Variants in SMIM22 observed in about 807,000 individuals in gnomAD.
The protein encoded by SMIM22 is small integral membrane protein 22, also known as cancer associated small integral membrane open reading frame 1.
SMIM22 carries 16 observed loss-of-function variants against 8.4 expected under a neutral mutation model. The observed-to-expected ratio is 1.90, with a 90% CI of 1.29 to 2.89. SMIM22 has a LOEUF of 2.89. Ranked by LOEUF, SMIM22 falls within the 30% of genes most tolerant of loss-of-function variation. The pLI, the probability that SMIM22 is intolerant of heterozygous loss-of-function variation, is 0.00. For missense variants in SMIM22, 159 were observed against 107.5 expected (o/e 1.48, Z -2.12); for synonymous variants, 67 against 47.6 (o/e 1.41, Z -1.68).
Position 4,795,378 on chromosome 16 carries a change from G to A in SMIM22, c.-92G>A. Reference sequence around the variant, plus strand: ...TGGTTGCCAAGGCCTCAGGTGGTGTGGAGCCGGAAGCAGGAAGCAGCCTGT... The same window carrying A: ...TGGTTGCCAAGGCCTCAGGTGGTGTAGAGCCGGAAGCAGGAAGCAGCCTGT... On this transcript the variant is annotated 5_prime_UTR_variant, in exon 1 of 4. Coordinates refer to ENST00000586005, the MANE Select transcript of SMIM22 (RefSeq NM_001253794.2). The A allele has an allele frequency of 3.9e-6, 1 of 256,390 alleles. No individual in the cohort carries two copies. 15.9% of individuals were successfully genotyped at this position (256,390 alleles called of 1,614,324 possible).
intron 2 of SMIM22, among the ~76,000 whole-genome samples, chr16:4,789,215 T>C (rs1018508054): frequency 7.9e-5 from 12 of 152,236 alleles, no homozygotes; most frequent in Admixed American, 7.9e-4. Context: ...TTTCACCACA[T>C]TGGTCAGGCT....
chr16:4,796,138 C>T (rs2082641039), intron 3 of SMIM22, 52 bp from the exon 4 acceptor site: 1 of 1,535,816 alleles, frequency 6.5e-7, no homozygotes, highest in African/African-American at 1.4e-5. Flanking sequence ...GTGCTCATCC[C>T]CCTAGGGAAC....
chr16:4,795,134 CTT>C (rs1212813747), upstream of SMIM22: 1 of 141,570 alleles, frequency 7.1e-6, no homozygotes, highest in East Asian at 2.4e-4. Context: ...ATCTCTCTCT[CTT>C]TCATTCACGA....
At chr16:4,793,762 T>C (rs1040228156), upstream of SMIM22, among the ~76,000 whole-genome samples, 7 of 151,640 alleles carry the variant, frequency 4.6e-5, no homozygotes, top group African/African-American at 1.7e-4. Flanking sequence ...GCATACATTA[T>C]ATTAAATAAA....
rs1341725120 is a variant in SMIM22 at position 4,795,425 on chromosome 16, TG to T, written c.-40del. On this transcript the variant is annotated 5_prime_UTR_variant, in exon 1 of 4. Transcript: ENST00000586005. ...CTGTGCTCCCCAGGACCTGCCTGGT[TG>T]GGGGAATTGGAGGCTTCTAGGAGGT... 1 of 358,972 alleles carries T rather than the reference TG, an allele frequency of 2.8e-6. No individual in the cohort carries two copies. The highest frequency in any genetic ancestry group is 5.2e-6 in the Non-Finnish European group (1 of 192,834). 22.2% of individuals were successfully genotyped at this position (358,972 alleles called of 1,614,324 possible).
Position 4,795,752 on chromosome 16 carries a change from G to A in SMIM22, c.18G>A (p.Glu6=). MAVST[E]ELEATVQEVL... ...ACGCCAAGATGGCTGTGTCCACAGA[G>A]GAGCTGGAGGCCACGGTTCAGGAAG... is the stretch of plus-strand genomic sequence containing the variant. The change falls in exon 2 of 4, where the codon GAG becomes GAA. Residue 6 remains glutamate, a synonymous_variant. Transcript: ENST00000586005. The A allele has an allele frequency of 6.5e-7, 1 of 1,535,904 alleles. No individual in the cohort carries two copies. Among genetic ancestry groups the A allele is most frequent in the South Asian group, 1.2e-5 (1 of 84,062 alleles).
upstream of SMIM22, among the ~76,000 whole-genome samples, chr16:4,790,933 A>G (rs558446298): frequency 3.9e-4 from 60 of 152,230 alleles, no homozygotes; most frequent in Non-Finnish European, 8.1e-4. Flanking sequence ...GAAATCTTGA[A>G]AACCACAATT....
At chr16:4,792,168 G>A (rs957808673), upstream of SMIM22, among the ~76,000 whole-genome samples, 2 of 152,066 alleles carry the variant, frequency 1.3e-5, no homozygotes, top group Non-Finnish European at 2.9e-5. Context: ...AAGAGCTGGA[G>A]CAGGGGCCAC....
At chr16:4,791,770 C>T (rs985819479), upstream of SMIM22, among the ~76,000 whole-genome samples, 3 of 152,124 alleles carry the variant, frequency 2.0e-5, no homozygotes, top group South Asian at 6.2e-4. Flanking sequence ...TCCCTGCAAC[C>T]TCTGCCTCCC....
chr16:4,794,212 A>C (rs146372751), upstream of SMIM22, among the ~76,000 whole-genome samples: 1 of 152,020 alleles, frequency 6.6e-6, no homozygotes, highest in African/African-American at 2.4e-5. Context: ...GGTTCAAGCA[A>C]TTCTCCTGCC....
intron 2 of SMIM22, among the ~76,000 whole-genome samples, chr16:4,788,962 T>C (rs1464300533): frequency 6.6e-6 from 1 of 152,232 alleles, no homozygotes; most frequent in Non-Finnish European, 1.5e-5. Flanking sequence ...ATAGGCCATG[T>C]GCTTTCCAGA....
upstream of SMIM22, chr16:4,795,005 G>T (rs529076437): frequency 6.6e-6 from 1 of 152,524 alleles, no homozygotes; most frequent in East Asian, 1.9e-4. Flanking sequence ...GGAACCAATC[G>T]TTGAGGATTC....
chr16:4,793,380 G>A (rs966643366), upstream of SMIM22, among the ~76,000 whole-genome samples: 1 of 152,184 alleles, frequency 6.6e-6, no homozygotes, highest in Admixed American at 6.6e-5. Flanking sequence ...TGTTACGGCA[G>A]CATTGGGACA....
chr16:4,789,198 G>C (rs1263871616), intron 2 of SMIM22, among the ~76,000 whole-genome samples: 1 of 152,116 alleles, frequency 6.6e-6, no homozygotes, highest in East Asian at 1.9e-4. Flanking sequence ...TTTTAGTAGA[G>C]AAGGGGTTTC....
chr16:4,792,813 A>G (rs1567585350), upstream of SMIM22, among the ~76,000 whole-genome samples: 1 of 149,996 alleles, frequency 6.7e-6, no homozygotes, highest in South Asian at 2.1e-4. Context: ...GTCTCAAAAA[A>G]AAAAAAAAAA....
upstream of SMIM22, among the ~76,000 whole-genome samples, chr16:4,794,655 C>T (rs1275672786): frequency 6.6e-6 from 1 of 150,806 alleles, no homozygotes; most frequent in Non-Finnish European, 1.5e-5. Context: ...AACTTCTGGC[C>T]TCAGCTGACC....
upstream of SMIM22, among the ~76,000 whole-genome samples, chr16:4,790,562 G>A (rs912002525): frequency 6.6e-6 from 1 of 152,176 alleles, no homozygotes; most frequent in Non-Finnish European, 1.5e-5. Context: ...GGCCAAGGTG[G>A]GCAGATCACT....
chr16:4,796,152 G>A (rs754161272), intron 3 of SMIM22, 38 bp from the exon 4 acceptor site: 9 of 1,535,842 alleles, frequency 5.9e-6, no homozygotes, highest in Admixed American at 3.9e-5. Context: ...AGGGAACAAC[G>A]AGCGAACCTG....
upstream of SMIM22, chr16:4,795,021 A>G (rs942179106): frequency 6.6e-6 from 1 of 152,380 alleles, no homozygotes; most frequent in African/African-American, 2.4e-5. Context: ...GATTCCAAGG[A>G]CAACTCTATG....
Sources: allele counts gnomAD v4.1 joint callset (sites outside exome capture counted in the v4.1 genomes callset), GRCh38; gene constraint gnomAD v4.1.1; transcripts MANE v1.5; gene names NCBI Gene and HGNC (gene_info 2026-07-23, HGNC 2026-07-21).